FBLN2: variants seen among roughly 807,000 people sequenced by gnomAD.
The protein encoded by FBLN2 is fibulin 2.
In FBLN2, 81 loss-of-function variants were observed where a neutral mutation model predicts 123.7. That is an observed-to-expected ratio of 0.65 (90% confidence interval 0.55 to 0.79). The LOEUF (loss-of-function observed/expected upper bound fraction) is 0.79, where lower values mean the gene tolerates loss of function less well. Among genes scored for constraint, FBLN2 ranks in the 30% least tolerant of loss-of-function variants. The probability of loss-of-function intolerance (pLI) is 0.00; values close to 1 mark genes in which losing one functional copy is unlikely to be tolerated. For synonymous variants in FBLN2, 699 were observed against 701.4 expected (o/e 1.00, Z 0.05); for missense variants, 1,603 against 1,681.3 (o/e 0.95, Z 0.81).
At chr3:13,585,437 G>A (rs1377788472) in intron 2 of FBLN2, among the ~76,000 whole-genome samples, 28 of 152,162 alleles carry the variant, frequency 1.8e-4, no homozygotes, top group Admixed American at 1.8e-3. Context: ...CTAGGAAGGC[G>A]GGCCTGGTGG....
At chr3:13,588,329 G>C (rs564036257) in intron 2 of FBLN2, among the ~76,000 whole-genome samples, 2 of 152,220 alleles carry the variant, frequency 1.3e-5, no homozygotes, top group African/African-American at 4.8e-5. Flanking sequence ...ACACTCTTAT[G>C]TCCTCACACG....
At chr3:13,633,643 G>A (rs557870742) in intron 16 of FBLN2, among the ~76,000 whole-genome samples, 21 of 152,330 alleles carry the variant, frequency 1.4e-4, no homozygotes, top group African/African-American at 4.1e-4. Flanking sequence ...AAACAGGGTG[G>A]GGGGAGGCTG....
chr3:13,580,788 A>C (rs576195929), intron 2 of FBLN2, among the ~76,000 whole-genome samples: 2 of 152,358 alleles, frequency 1.3e-5, no homozygotes, highest in African/African-American at 4.8e-5. Context: ...TGTCACAGGA[A>C]TGCAAGTGAG....
chr3:13,615,382 C>T (rs974179881), intron 5 of FBLN2, among the ~76,000 whole-genome samples: 1 of 152,212 alleles, frequency 6.6e-6, no homozygotes. Context: ...TATGGACCGT[C>T]ATCTGGGGCC....
chr3:13,605,304 A>T (rs1311656334), intron 2 of FBLN2, among the ~76,000 whole-genome samples: 2 of 151,806 alleles, frequency 1.3e-5, no homozygotes, highest in African/African-American at 4.8e-5. Flanking sequence ...ATTTCCTTTC[A>T]TCTTCTTTCT....
intron 2 of FBLN2, among the ~76,000 whole-genome samples, chr3:13,573,916 AG>A (rs1172122540): frequency 1.4e-5 from 2 of 145,094 alleles, no homozygotes; most frequent in Admixed American, 1.4e-4. Flanking sequence ...AAAAAAAAAA[AG>A]GGAACCACTG....
intron 2 of FBLN2, among the ~76,000 whole-genome samples, chr3:13,580,814 C>T (rs910507618): frequency 6.6e-6 from 1 of 152,260 alleles, no homozygotes; most frequent in Non-Finnish European, 1.5e-5. Context: ...CACAGCTCCT[C>T]CGTAGCGCAC....
intron 1 of FBLN2, among the ~76,000 whole-genome samples, chr3:13,564,018 A>C (rs1216409734): frequency 6.6e-6 from 1 of 152,220 alleles, no homozygotes; most frequent in African/African-American, 2.4e-5. Flanking sequence ...AAATTAGCCC[A>C]GGGAAGCCCT....
At chr3:13,632,229 A>G (rs1706281725) in intron 16 of FBLN2, among the ~76,000 whole-genome samples, 1 of 152,224 alleles carries the variant, frequency 6.6e-6, no homozygotes, top group African/African-American at 2.4e-5. Context: ...AGGAGAACCA[A>G]CCACTCAGCC....
intron 15 of FBLN2, among the ~76,000 whole-genome samples, 153 bp from the exon 16 acceptor site, chr3:13,631,176 T>G (rs538904287): frequency 6.6e-6 from 1 of 152,316 alleles, no homozygotes; most frequent in African/African-American, 2.4e-5. Flanking sequence ...CTTCGTGGCC[T>G]TGGGCAACTC....
chr3:13,569,009 C>T (rs778257883), intron 1 of FBLN2: 12 of 985,742 alleles, frequency 1.2e-5, no homozygotes, highest in Admixed American at 1.2e-4. Context: ...TATGGGGCTG[C>T]GCTTTAGGCT....
chr3:13,575,191 C>T (rs957670607), intron 2 of FBLN2, among the ~76,000 whole-genome samples: 2 of 152,210 alleles, frequency 1.3e-5, no homozygotes, highest in Non-Finnish European at 2.9e-5. Flanking sequence ...AGGGACTTCC[C>T]TGCTGCTTAC....
chr3:13,629,072 G>C lies in FBLN2; in HGVS notation c.2713+24G>C, dbSNP rs1295948698. On this transcript the variant is annotated intron_variant, in intron 12 of 17. Transcript: ENST00000404922. ...GGGTAAGGCCAGCCGCCTCCGCCCT[G>C]CCAGCCAGCCCGGCCTGCCCGCTTC... 4 of 1,612,190 alleles carry C rather than the reference G, an allele frequency of 2.5e-6. No individual in the cohort carries two copies. The African/African-American group carries it at 5.3e-5, about 22-fold the overall frequency.
intron 1 of FBLN2, among the ~76,000 whole-genome samples, chr3:13,558,796 CCCACCCACCCA>C (rs1703532645): frequency 5.6e-5 from 1 of 17,754 alleles, no homozygotes; most frequent in Non-Finnish European, 1.7e-4. Flanking sequence ...CACCCACCCA[CCCACCCACCCA>C]CCCACCTACC....
Position 13,575,712 on chromosome 3 carries a change from C to T in FBLN2, c.1306+4051C>T, listed in dbSNP as rs73148629. Among the ~76,000 whole-genome samples, 823 of 152,224 alleles carry T rather than the reference C, an allele frequency of 5.4e-3. 6 individuals are homozygous for T. The highest frequency in any genetic ancestry group is 0.019 in the African/African-American group (788 of 41,538). The stretch of plus-strand genomic sequence containing the variant: ...GGACTGGGGGCCAGGGGTGGGGCTG[C>T]TTCTATTTCAGAAACCCTGGAAGCT... On this transcript the variant is annotated intron_variant, in intron 2 of 17. Coordinates refer to ENST00000404922, the MANE Select transcript of FBLN2 (RefSeq NM_001004019.2).
Position 13,630,657 on chromosome 3 carries a change from A to C in FBLN2, c.2969-42A>C, listed in dbSNP as rs1706224498. On this transcript the variant is annotated intron_variant, in intron 14 of 17. Coordinates refer to ENST00000404922, the MANE Select transcript of FBLN2 (RefSeq NM_001004019.2). ...AGCATTTGGATGGGCTCTCCAAGGC[A>C]GACTTGGGCCCTGCCATGACTGCCT... The C allele has an allele frequency of 4.0e-6, 6 of 1,507,360 alleles. No homozygotes were observed. The East Asian group carries it at 1.5e-4, about 37-fold the overall frequency. 93.4% of individuals were successfully genotyped at this position (1,507,360 alleles called of 1,614,324 possible).
intron 9 of FBLN2, among the ~76,000 whole-genome samples, chr3:13,624,990 G>A (rs560151786): frequency 5.1e-4 from 77 of 150,010 alleles, no homozygotes; most frequent in Non-Finnish European, 8.7e-4. Flanking sequence ...ACTGTGGCCC[G>A]GGGGTGGTTT....
chr3:13,600,038 A>AGAGC lies in FBLN2; in HGVS notation c.1307-8021_1307-8020insCGAG, dbSNP rs1553619725. 2.0e-4 allele frequency among the ~76,000 whole-genome samples: 27 copies of AGAGC among 135,296 alleles called. 1 individual carries two copies. The highest frequency in any genetic ancestry group is 6.8e-4 in the African/African-American group (24 of 35,126). 88.8% of individuals were successfully genotyped at this position (135,296 alleles called of 152,430 possible). ...ACGACAGAGAGAGAGAGAGAGAGAG[A>AGAGC]GAGAGAGCGAGAGAGAGAGAGAGCG... On this transcript the variant is annotated intron_variant, in intron 2 of 17. Transcript: ENST00000404922.
At position 13,570,387 on chromosome 3, in the gene FBLN2, G is replaced by T; in HGVS notation, c.32G>T (p.Trp11Leu). The change falls in exon 2 of 18, where the codon TGG becomes TTG. Residue 11 changes from tryptophan to leucine, a missense_variant. Transcript: ENST00000404922. MVLLWEPAGA[W>L]LALGLALALG... Reference sequence around the variant, plus strand: ...CTGCTCTGGGAGCCTGCAGGAGCCTGGCTTGCTCTGGGCCTGGCCCTGGCC... The same window carrying T: ...CTGCTCTGGGAGCCTGCAGGAGCCTTGCTTGCTCTGGGCCTGGCCCTGGCC... The T allele has an allele frequency of 6.3e-7, 1 of 1,575,352 alleles. No homozygotes were observed. Among genetic ancestry groups the T allele is most frequent in the Non-Finnish European group, 8.6e-7 (1 of 1,160,634 alleles).
Sources: allele counts gnomAD v4.1 joint callset (sites outside exome capture counted in the v4.1 genomes callset), GRCh38; gene constraint gnomAD v4.1.1; transcripts MANE v1.5; gene names NCBI Gene and HGNC (gene_info 2026-07-23, HGNC 2026-07-21).